Variants in KRI1 observed in about 807,000 individuals in gnomAD.
KRI1 encodes KRI1 homolog, also known as protein KRI1 homolog.
A neutral mutation model predicts 97.0 loss-of-function variants in KRI1; 83 were observed. That is an observed-to-expected ratio of 0.86 (90% CI 0.72 to 1.03). KRI1 has a LOEUF of 1.03. Ranked by LOEUF, KRI1 falls within the 50% of genes least tolerant of loss-of-function variation. KRI1 has a pLI of 0.00. For missense variants in KRI1, 916 were observed against 928.4 expected, an observed-to-expected ratio of 0.99 and a Z score of 0.17; for synonymous variants, 371 against 363.5, an observed-to-expected ratio of 1.02 and a Z score of -0.23.
chr19:10,559,410 C>T lies in KRI1; in HGVS notation c.1143G>A (p.Glu381=). ...VTGNEMLGLE[E]GDLEDDFDPA... ...GGTCGAAGTCGTCTTCAAGGTCCCCCTCCTCGAGGCCCAGCATCTCGTTGC... is the reference window on the plus strand; with the variant it reads ...GGTCGAAGTCGTCTTCAAGGTCCCCTTCCTCGAGGCCCAGCATCTCGTTGC... The change falls in exon 12 of 19, where the codon GAG becomes GAA. Residue 381 remains glutamate, a synonymous_variant. Transcript: ENST00000312962. The T allele has an allele frequency of 1.2e-6, 2 of 1,614,106 alleles. No homozygotes were observed. The highest frequency in any genetic ancestry group is 1.7e-6 in the Non-Finnish European group (2 of 1,180,026).
At chr19:10,559,188 AG>A (rs1441069227) in intron 12 of KRI1, among the ~76,000 whole-genome samples, 170 bp downstream of exon 12, 1 of 151,814 alleles carries the variant, frequency 6.6e-6, no homozygotes, top group Non-Finnish European at 1.5e-5. Flanking sequence ...TATTTTTAGT[AG>A]AGATGAGGTT....
At position 10,560,418 on chromosome 19, in the gene KRI1, C is replaced by T; in HGVS notation, c.694G>A (p.Glu232Lys). 6.2e-7 allele frequency: 1 copy of T among 1,613,778 alleles called. No homozygotes were observed. The highest frequency in any genetic ancestry group is 1.1e-5 in the South Asian group (1 of 91,052). ...AGGAACCGCTCCCCTTCATCCAACT[C>T]AGGGTCGTTCCAGTATTCCTTGAGA... ...THLKEYWNDP[E>K]LDEGERFLRD... The change falls in exon 9 of 19, where the codon GAG becomes AAG. Residue 232 changes from glutamate (E) to lysine (K), a missense_variant. Coordinates refer to ENST00000312962, the MANE Select transcript of KRI1 (RefSeq NM_023008.5).
chr19:10,565,405 C>G (rs1033542435), intron 2 of KRI1: 10 of 473,340 alleles, frequency 2.1e-5, no homozygotes, highest in Non-Finnish European at 3.7e-5. Flanking sequence ...CCACGTGGCG[C>G]AAGGAGTACA....
intron 16 of KRI1, among the ~76,000 whole-genome samples, chr19:10,555,688 G>C (rs1025453913): frequency 4.6e-5 from 7 of 152,188 alleles, no homozygotes; most frequent in Admixed American, 2.0e-4. Context: ...CAACCACCAG[G>C]CTTCCTAATT....
At chr19:10,559,241 G>A in intron 12 of KRI1, 118 bp downstream of exon 12, 1 of 1,097,382 alleles carries the variant, frequency 9.1e-7, no homozygotes, top group Non-Finnish European at 1.3e-6. Context: ...CTGACCTCAG[G>A]TGATCTGCCT....
At position 10,555,328 on chromosome 19, in the gene KRI1, CCTT is replaced by C. The variant is rs1914843840; in HGVS notation, c.1636_1638del (p.Lys546del). 4.3e-6 allele frequency: 7 copies of C among 1,614,062 alleles called. No homozygotes were observed. Among genetic ancestry groups the C allele is most frequent in the African/African-American group, 1.3e-5 (1 of 74,934 alleles). On this transcript the variant is annotated inframe_deletion, in exon 17 of 19. Transcript: ENST00000312962. ...TTTAGGGAGCACCACCGGTTCAGCTCCTTATCGTCAGCAGCGAGGATCTGCGTG... is the reference window on the plus strand; with the variant it reads ...TTTAGGGAGCACCACCGGTTCAGCTCATCGTCAGCAGCGAGGATCTGCGTG...
Position 10,561,220 on chromosome 19 carries a change from C to T in KRI1, c.534G>A (p.Gly178=), listed in dbSNP as rs1208774983. ...TCTGCAGCAAACTGGAGCCGCCCTC[C>T]CCAGCGCCGTCCTCGTCCTCACTGT... ...VEDSEDEDGA[G]EGGSSLLQKR... Residue 178 remains glycine (G), a synonymous_variant, in exon 7 of 19, where the codon GGG becomes GGA. Coordinates refer to ENST00000312962, the MANE Select transcript of KRI1 (RefSeq NM_023008.5). The T allele has an allele frequency of 3.1e-6, 5 of 1,614,154 alleles. No individual in the cohort carries two copies. The highest frequency in any genetic ancestry group is 4.2e-6 in the Non-Finnish European group (5 of 1,180,042).
chr19:10,563,331 C>G (rs1435463691), intron 3 of KRI1, among the ~76,000 whole-genome samples: 1 of 151,724 alleles, frequency 6.6e-6, no homozygotes, highest in Non-Finnish European at 1.5e-5. Flanking sequence ...GCTGAGATTA[C>G]AGGCGTGAGC....
intron 16 of KRI1, 115 bp from the exon 17 acceptor site, chr19:10,555,464 G>T: frequency 9.2e-7 from 1 of 1,083,768 alleles, no homozygotes; most frequent in Non-Finnish European, 1.4e-6. Flanking sequence ...CAGCAGGGTT[G>T]CCATGATGGC....
intron 3 of KRI1, 102 bp from the exon 4 acceptor site, chr19:10,562,939 T>C (rs1288068087): frequency 1.5e-5 from 11 of 734,710 alleles, no homozygotes; most frequent in Middle Eastern, 2.4e-4. Context: ...AGGATTCAAA[T>C]CCCAAATCCA....
chr19:10,557,913 T>G lies in KRI1; in HGVS notation c.1360-18A>C, dbSNP rs746725251. 6.2e-7 allele frequency: 1 copy of G among 1,613,646 alleles called. No homozygotes were observed. The highest frequency in any genetic ancestry group is 8.5e-7 in the Non-Finnish European group (1 of 1,179,926). On this transcript the variant is annotated intron_variant, in intron 14 of 18. Coordinates refer to ENST00000312962, the MANE Select transcript of KRI1 (RefSeq NM_023008.5). ...GCGTCCATCTGCCAGGACGCACAGG[T>G]CAGATCCCACCAGCCCCCCGTCAGG...
rs1916859291 is a variant in KRI1, at chr19:10,565,886, C to A, written c.94+20G>T. 1 of 1,532,684 alleles carries A rather than the reference C, an allele frequency of 6.5e-7. No homozygotes were observed. Among genetic ancestry groups the A allele is most frequent in the Non-Finnish European group, 8.8e-7 (1 of 1,139,062 alleles). 94.9% of individuals were successfully genotyped at this position (1,532,684 alleles called of 1,614,324 possible). A position where few individuals can be genotyped will look rare whatever the true frequency, so the allele number is the denominator to read the frequency against. ...CGGCCGGCGCGCGCAGGCTCCCGCGCGCATGCGCCCCGCACTCACGCCGCT... is the reference window on the plus strand; with the variant it reads ...CGGCCGGCGCGCGCAGGCTCCCGCGAGCATGCGCCCCGCACTCACGCCGCT... On this transcript the variant is annotated intron_variant, in intron 1 of 18. Coordinates refer to ENST00000312962, the MANE Select transcript of KRI1 (RefSeq NM_023008.5).
rs1568422484 is a variant in KRI1, at chr19:10,559,412, C to T, written c.1141G>A (p.Glu381Lys). ...VTGNEMLGLEEGDLEDDFDPA... is the reference protein window; with the variant it reads ...VTGNEMLGLEKGDLEDDFDPA... The stretch of plus-strand genomic sequence containing the variant: ...TCGAAGTCGTCTTCAAGGTCCCCCT[C>T]CTCGAGGCCCAGCATCTCGTTGCCT... Residue 381 changes from glutamate (E) to lysine (K), a missense_variant, in exon 12 of 19, where the codon GAG becomes AAG. Glu to Lys is a moderately conservative substitution (Grantham distance 56). Transcript: ENST00000312962. 1 of 1,614,124 alleles carries T rather than the reference C, an allele frequency of 6.2e-7. No individual in the cohort carries two copies. Among genetic ancestry groups the T allele is most frequent in the Non-Finnish European group, 8.5e-7 (1 of 1,180,036 alleles).
intron 16 of KRI1, among the ~76,000 whole-genome samples, chr19:10,556,053 T>C (rs571830954): frequency 6.6e-6 from 1 of 152,280 alleles, no homozygotes; most frequent in Non-Finnish European, 1.5e-5. Flanking sequence ...TGAACCCACC[T>C]AGGCCCCCTG....
chr19:10,555,406 C>T (rs1916476777), intron 16 of KRI1, 57 bp from the exon 17 acceptor site: 8 of 1,585,878 alleles, frequency 5.0e-6, no homozygotes, highest in Non-Finnish European at 6.1e-6. Flanking sequence ...GGGGCCTTCC[C>T]TGAGCCTAAG....
Position 10,555,131 on chromosome 19 carries a change from G to A in KRI1, c.1737C>T (p.Asn579=). The A allele has an allele frequency of 1.2e-6, 2 of 1,614,228 alleles. No homozygotes were observed. The highest frequency in any genetic ancestry group is 1.1e-5 in the South Asian group (1 of 91,090). The stretch of plus-strand genomic sequence containing the variant: ...TGAAGACCTGCCGCTTTTTCCATGA[G>A]TTCTGGGCCTTCTGGCTGTACGCCC... ...DKRAYSQKAQ[N]SWKKRQVFKS... is the part of the protein sequence containing the mutation. Residue 579 remains asparagine, a synonymous_variant, in exon 18 of 19, where the codon AAC becomes AAT. Coordinates refer to ENST00000312962, the MANE Select transcript of KRI1 (RefSeq NM_023008.5).
Position 10,565,814 on chromosome 19 carries a change from C to CCCG in KRI1, c.95-25_95-24insCGG, listed in dbSNP as rs1916853661. The CCCG allele has an allele frequency of 7.7e-6, 12 of 1,549,808 alleles. No homozygotes were observed. In the South Asian group the frequency reaches 1.4e-4, roughly 18 times the overall value. ...CACTGCGGGACACAGACGGGATGCC[C>CCCG]CCCCCCAGGTCAGCCGGCGGGGCCA... is the stretch of plus-strand genomic sequence containing the variant. On this transcript the variant is annotated intron_variant, in intron 1 of 18. Coordinates refer to ENST00000312962, the MANE Select transcript of KRI1 (RefSeq NM_023008.5).
At position 10,554,234 on chromosome 19, in the gene KRI1, G is replaced by A; in HGVS notation, c.1829C>T (p.Ala610Val). The A allele has an allele frequency of 2.5e-6, 4 of 1,614,040 alleles. No homozygotes were observed. Among genetic ancestry groups the A allele is most frequent in the Non-Finnish European group, 3.4e-6 (4 of 1,180,034 alleles). The change falls in exon 19 of 19, where the codon GCC (alanine) becomes GTC (valine). Residue 610 changes from alanine (A) to valine (V), a missense_variant. Transcript: ENST00000312962. ...EATGKPQRDE[A>V]GPQRQLPALD... ...GGCTGGCAGCTGCCTCTGTGGGCCG[G>A]CTTCATCTCTCTGTGGCTTCCCTGT...
In KRI1 at chr19:10,562,720, T is replaced by C. The variant is rs1240788455; in HGVS notation, c.383+9A>G. On this transcript the variant is annotated intron_variant, in intron 4 of 18. Transcript: ENST00000312962. ...AACCAGGGGGTGGGGATGTAGGCCTTCTCCATACCCTGCCTTCTCCAAGAT... is the reference window on the plus strand; with the variant it reads ...AACCAGGGGGTGGGGATGTAGGCCTCCTCCATACCCTGCCTTCTCCAAGAT... 2 of 1,503,772 alleles carry C rather than the reference T, an allele frequency of 1.3e-6. No individual in the cohort carries two copies. Among genetic ancestry groups the C allele is most frequent in the Non-Finnish European group, 1.9e-6 (2 of 1,079,448 alleles). The allele number at this position is 1,503,772 out of a possible 1,614,324, so 93.2% of individuals were successfully genotyped here.
Sources: gnomAD v4.1 joint callset for allele counts (sites outside exome capture counted in the v4.1 genomes callset) on GRCh38, gnomAD v4.1.1 for gene constraint, MANE v1.5 for transcripts, NCBI Gene and HGNC (gene_info 2026-07-23, HGNC 2026-07-21) for gene names.